The following HIBADH variants were observed in gnomAD, a reference collection of about 807,000 sequenced individuals.
HIBADH encodes the protein 3-hydroxyisobutyrate dehydrogenase, mitochondrial.
HIBADH carries 25 observed loss-of-function variants against 36.1 expected under a neutral mutation model. That is an observed-to-expected ratio of 0.69 (90% confidence interval 0.50 to 0.97). The LOEUF (loss-of-function observed/expected upper bound fraction) is 0.97. Ranked by LOEUF, HIBADH falls within the 50% of genes least tolerant of loss-of-function variation. The pLI is 0.00. For missense variants in HIBADH, 421 were observed against 418.0 expected (o/e 1.01, Z -0.06); for synonymous variants, 160 against 149.5 (o/e 1.07, Z -0.51).
chr7:27,626,203 G>A (rs73073120), intron 4 of HIBADH, among the ~76,000 whole-genome samples: 5,332 of 150,062 alleles, frequency 0.036, 130 homozygotes, highest in Non-Finnish European at 0.054. Flanking sequence ...GTGCATGCCA[G>A]TATCAAAACA....
intron 4 of HIBADH, among the ~76,000 whole-genome samples, chr7:27,576,146 C>T (rs1784706117): frequency 6.6e-6 from 1 of 152,144 alleles, no homozygotes; most frequent in Non-Finnish European, 1.5e-5. Flanking sequence ...AAGAATGAAG[C>T]AGGAAGACAA....
chr7:27,606,514 T>C (rs1183336264), intron 4 of HIBADH, among the ~76,000 whole-genome samples: 3 of 152,246 alleles, frequency 2.0e-5, no homozygotes, highest in Non-Finnish European at 4.4e-5. Context: ...AGCTCTTGAC[T>C]CCAGACTAGG....
intron 4 of HIBADH, among the ~76,000 whole-genome samples, chr7:27,626,263 A>T (rs1476483396): frequency 6.6e-6 from 1 of 152,128 alleles, no homozygotes; most frequent in Non-Finnish European, 1.5e-5. Context: ...CACAAAAATT[A>T]AAATTAAAAC....
At chr7:27,610,576 C>A (rs1362976115) in intron 4 of HIBADH, among the ~76,000 whole-genome samples, 5 of 152,260 alleles carry the variant, frequency 3.3e-5, no homozygotes, top group African/African-American at 1.2e-4. Context: ...ATATCACATA[C>A]AAGACTACTG....
At chr7:27,604,666 G>A (rs1785189111) in intron 4 of HIBADH, among the ~76,000 whole-genome samples, 1 of 152,048 alleles carries the variant, frequency 6.6e-6, no homozygotes, top group South Asian at 2.1e-4. Context: ...AGGGTCAAAT[G>A]TCATGAGTAC....
intron 4 of HIBADH, among the ~76,000 whole-genome samples, chr7:27,589,600 T>C (rs1202333535): frequency 6.6e-6 from 1 of 152,210 alleles, no homozygotes; most frequent in Non-Finnish European, 1.5e-5. Context: ...AACTAGGATA[T>C]ATGCCCACTA....
At chr7:27,627,129 C>A (rs903250952) in intron 4 of HIBADH, among the ~76,000 whole-genome samples, 4 of 152,156 alleles carry the variant, frequency 2.6e-5, no homozygotes, top group Admixed American at 6.5e-5. Context: ...AAGGGTCATG[C>A]GGCATGCTGA....
intron 1 of HIBADH, among the ~76,000 whole-genome samples, chr7:27,660,575 G>A (rs1311987999): frequency 6.6e-6 from 1 of 152,054 alleles, no homozygotes; most frequent in Non-Finnish European, 1.5e-5. Flanking sequence ...TGAGGCAGGA[G>A]AATGGCGTGA....
At chr7:27,568,818 A>T (rs1192753847) in intron 4 of HIBADH, among the ~76,000 whole-genome samples, 1 of 151,742 alleles carries the variant, frequency 6.6e-6, no homozygotes, top group Admixed American at 6.6e-5. Flanking sequence ...TAATCTGGGC[A>T]TAGATTTCTT....
chr7:27,571,009 C>T (rs781719998), intron 4 of HIBADH, among the ~76,000 whole-genome samples: 4 of 152,022 alleles, frequency 2.6e-5, no homozygotes, highest in African/African-American at 4.8e-5. Flanking sequence ...TTCTTTCTAG[C>T]TTTCTATTCA....
chr7:27,598,650 A>G (rs1040965814), intron 4 of HIBADH, among the ~76,000 whole-genome samples: 2 of 152,212 alleles, frequency 1.3e-5, no homozygotes, highest in African/African-American at 4.8e-5. Context: ...CAAAAATACC[A>G]GAGGACAACT....
chr7:27,584,652 C>T (rs1784833042), intron 4 of HIBADH, among the ~76,000 whole-genome samples: 1 of 151,960 alleles, frequency 6.6e-6, no homozygotes, highest in Non-Finnish European at 1.5e-5. Flanking sequence ...CAAGACAACC[C>T]CAATACCAAC....
intron 4 of HIBADH, among the ~76,000 whole-genome samples, chr7:27,549,330 C>T (rs7795207): frequency 0.094 from 14,376 of 152,132 alleles, 952 homozygotes; most frequent in Non-Finnish European, 0.14. Context: ...TTCGGTTTAG[C>T]CATTCCACAA....
intron 4 of HIBADH, among the ~76,000 whole-genome samples, chr7:27,565,038 C>T (rs563238830): frequency 2.0e-5 from 3 of 152,222 alleles, no homozygotes; most frequent in East Asian, 3.9e-4. Flanking sequence ...AACCTTTAAG[C>T]GTGCCTTTCA....
intron 2 of HIBADH, among the ~76,000 whole-genome samples, chr7:27,637,083 T>C (rs1421999482): frequency 6.6e-6 from 1 of 152,198 alleles, no homozygotes; most frequent in Non-Finnish European, 1.5e-5. Context: ...TGGAGAAATA[T>C]GGCATAGATA....
At chr7:27,549,666 A>G (rs373525752) in intron 4 of HIBADH, among the ~76,000 whole-genome samples, 1 of 152,172 alleles carries the variant, frequency 6.6e-6, no homozygotes, top group Non-Finnish European at 1.5e-5. Flanking sequence ...CTTTTTTCCC[A>G]AGATAAACTG....
At chr7:27,618,699 G>GT (rs11434769) in intron 4 of HIBADH, among the ~76,000 whole-genome samples, 120,799 of 152,090 alleles carry the variant, frequency 0.79, 48,372 homozygotes, top group East Asian at 0.97. Context: ...AATAAAAGAA[G>GT]TTAATTGGCT....
chr7:27,570,826 T>C (rs1784617486), intron 4 of HIBADH, among the ~76,000 whole-genome samples: 1 of 152,156 alleles, frequency 6.6e-6, no homozygotes, highest in Admixed American at 6.5e-5. Context: ...AGTTTTACTA[T>C]CATGTATTTA....
At chr7:27,587,196 T>A (rs1345298747) in intron 4 of HIBADH, among the ~76,000 whole-genome samples, 1 of 152,248 alleles carries the variant, frequency 6.6e-6, no homozygotes, top group Non-Finnish European at 1.5e-5. Context: ...CTTGCTTTGC[T>A]ACCTCCTTGT....
Sources: gnomAD v4.1 joint callset for allele counts (sites outside exome capture counted in the v4.1 genomes callset) on GRCh38, gnomAD v4.1.1 for gene constraint, MANE v1.5 for transcripts, NCBI Gene and HGNC (gene_info 2026-07-23, HGNC 2026-07-21) for gene names.